Variants in SPATS2 observed in about 807,000 individuals in gnomAD.
The protein encoded by SPATS2 is spermatogenesis-associated serine-rich protein 2.
A neutral mutation model predicts 63.7 loss-of-function variants in SPATS2; 38 were observed. The ratio of observed to expected loss-of-function variants is 0.60; its 90% CI spans 0.46 to 0.78. SPATS2 has a LOEUF of 0.78. SPATS2 is among the 30% of genes least tolerant of loss of function. The pLI is 0.00. For missense variants in SPATS2, 588 were observed against 666.2 expected, an observed-to-expected ratio of 0.88 and a Z score of 1.29; for synonymous variants, 207 against 232.9, an observed-to-expected ratio of 0.89 and a Z score of 1.01.
intron 2 of SPATS2, among the ~76,000 whole-genome samples, chr12:49,430,505 A>G (rs777689607): frequency 2.6e-5 from 4 of 152,060 alleles, no homozygotes; most frequent in Non-Finnish European, 5.9e-5. Flanking sequence ...AAAACCCTTT[A>G]AAGATGAGAA....
Position 49,367,565 on chromosome 12 carries a change from G to A in SPATS2, c.-329G>A. 2.5e-6 allele frequency: 1 copy of A among 398,516 alleles called. No individual in the cohort carries two copies. Among genetic ancestry groups the A allele is most frequent in the Non-Finnish European group, 4.4e-6 (1 of 226,244 alleles). 24.7% of individuals were successfully genotyped at this position (398,516 alleles called of 1,614,324 possible). A position where few individuals can be genotyped will look rare whatever the true frequency, so the allele number is the denominator to read the frequency against. On this transcript the variant is annotated 5_prime_UTR_variant, in exon 1 of 14. Transcript: ENST00000552918. ...CGGAGCCCGGAGCTGGGGCGACGAG[G>A]CGATTGCGGGGGCCTGGGCTAGGTG...
intron 2 of SPATS2, among the ~76,000 whole-genome samples, chr12:49,435,638 CTTTTTTTT>C (rs34420984): frequency 1.0e-3 from 99 of 96,058 alleles, no homozygotes; most frequent in Middle Eastern, 6.0e-3. Flanking sequence ...TGAATGGTTT[CTTTTTTTT>C]TTTTTTTTTT....
At chr12:49,477,282 T>C (rs978309990) in intron 3 of SPATS2, among the ~76,000 whole-genome samples, 4 of 152,214 alleles carry the variant, frequency 2.6e-5, no homozygotes, top group African/African-American at 9.7e-5. Context: ...GAACTCATTC[T>C]AGAAGTTTGG....
intron 2 of SPATS2, among the ~76,000 whole-genome samples, chr12:49,390,859 T>G (rs767785300): frequency 6.6e-6 from 1 of 152,172 alleles, no homozygotes; most frequent in Admixed American, 6.5e-5. Flanking sequence ...AATAGACATT[T>G]TAGTAGGTTA....
intron 2 of SPATS2, among the ~76,000 whole-genome samples, chr12:49,436,247 A>G (rs1218326029): frequency 2.7e-5 from 4 of 146,114 alleles, no homozygotes; most frequent in Admixed American, 6.7e-5. Context: ...CACCTCCCGG[A>G]CGGGGCGGCT....
intron 2 of SPATS2, among the ~76,000 whole-genome samples, chr12:49,394,847 G>T (rs1012446161): frequency 6.6e-6 from 1 of 152,036 alleles, no homozygotes; most frequent in African/African-American, 2.4e-5. Context: ...CGAGGCAGGT[G>T]GATCACCTGA....
At chr12:49,426,013 AT>A (rs112297087) in intron 2 of SPATS2, among the ~76,000 whole-genome samples, 1 of 152,218 alleles carries the variant, frequency 6.6e-6, no homozygotes, top group African/African-American at 2.4e-5. Flanking sequence ...CAACAAATAG[AT>A]TAGACTCTTA....
chr12:49,513,051 C>A, intron 9 of SPATS2: 1 of 564,700 alleles, frequency 1.8e-6, no homozygotes, highest in Non-Finnish European at 2.7e-6. Flanking sequence ...GATTATCAAA[C>A]CTATGTTCTC....
In SPATS2 at chr12:49,389,464, A is replaced by C; in HGVS notation, c.-244+18174A>C. On this transcript the variant is annotated intron_variant, in intron 2 of 13. Coordinates refer to ENST00000552918, the MANE Select transcript of SPATS2 (RefSeq NM_023071.4). ...CGGTTGGTAGAGGCTTTGAGTCCTC[A>C]TCGCCACAGCTGACGGCTGCGAGGG... 4.1e-6 allele frequency: 3 copies of C among 722,950 alleles called. No individual in the cohort carries two copies. The South Asian group carries it at 4.9e-5, about 12-fold the overall frequency. The allele number at this position is 722,950 out of a possible 1,614,324, so 44.8% of individuals were successfully genotyped here.
At chr12:49,445,517 C>T (rs1374217485) in intron 2 of SPATS2, among the ~76,000 whole-genome samples, 1 of 150,996 alleles carries the variant, frequency 6.6e-6, no homozygotes, top group Non-Finnish European at 1.5e-5. Context: ...ATTTTCTTTT[C>T]TTTATCTTTT....
At chr12:49,485,383 A>G (rs1946273774) in intron 4 of SPATS2, among the ~76,000 whole-genome samples, 1 of 151,776 alleles carries the variant, frequency 6.6e-6, no homozygotes, top group South Asian at 2.1e-4. Context: ...TTTTTTCGAG[A>G]CAGAGTCTCA....
Position 49,519,101 on chromosome 12 carries a change from G to C in SPATS2, c.927G>C (p.Lys309Asn). The change falls in exon 11 of 14, where the codon AAG (lysine) becomes AAC (asparagine). Residue 309 changes from lysine (K) to asparagine (N), a missense_variant. Coordinates refer to ENST00000552918, the MANE Select transcript of SPATS2 (RefSeq NM_023071.4). ...AMEILLSRQKKAELLKKMTHV... is the reference protein window; with the variant it reads ...AMEILLSRQKNAELLKKMTHV... The stretch of plus-strand genomic sequence containing the variant: ...AAATTTTGCTCAGCCGACAAAAGAA[G>C]GCTGAACTTCTAAAGAAGATGACTC... The C allele has an allele frequency of 6.2e-7, 1 of 1,613,884 alleles. No individual in the cohort carries two copies. The highest frequency in any genetic ancestry group is 8.5e-7 in the Non-Finnish European group (1 of 1,179,920).
intron 4 of SPATS2, chr12:49,486,339 G>T: frequency 2.6e-6 from 1 of 383,508 alleles, no homozygotes; most frequent in Non-Finnish European, 5.2e-6. Context: ...CCGTGTAGCT[G>T]GGGATACAGG....
At chr12:49,378,678 C>G (rs960691581) in intron 2 of SPATS2, among the ~76,000 whole-genome samples, 1 of 152,044 alleles carries the variant, frequency 6.6e-6, no homozygotes, top group African/African-American at 2.4e-5. Context: ...TTACTGCAGC[C>G]TCGACCTGCT....
At chr12:49,522,714 T>C (rs748232578) in intron 11 of SPATS2, 37 bp from the exon 12 acceptor site, 47 of 1,531,288 alleles carry the variant, frequency 3.1e-5, no homozygotes, top group Non-Finnish European at 4.1e-5. Flanking sequence ...GGATGTTGTT[T>C]GTCTAACCTG....
At chr12:49,412,786 GATA>G (rs3036617) in intron 2 of SPATS2, among the ~76,000 whole-genome samples, 20 of 151,992 alleles carry the variant, frequency 1.3e-4, no homozygotes, top group South Asian at 4.2e-4. Flanking sequence ...TTTGAAGTTA[GATA>G]ATAATATTTA....
chr12:49,395,021 C>T (rs922038508), intron 2 of SPATS2, among the ~76,000 whole-genome samples: 7 of 151,552 alleles, frequency 4.6e-5, no homozygotes, highest in South Asian at 2.1e-4. Flanking sequence ...TGCAGTGAGC[C>T]GAGATCCCAC....
At chr12:49,440,546 G>C (rs1183185394) in intron 2 of SPATS2, among the ~76,000 whole-genome samples, 1 of 149,698 alleles carries the variant, frequency 6.7e-6, no homozygotes. Context: ...TTGGCTCACT[G>C]CAACTTCCAC....
chr12:49,503,019 C>G (rs1946590661), intron 9 of SPATS2, among the ~76,000 whole-genome samples: 2 of 152,328 alleles, frequency 1.3e-5, no homozygotes, highest in Middle Eastern at 3.4e-3. Context: ...GCCCTTTGCA[C>G]TGCATTCTTG....
Sources: allele counts gnomAD v4.1 joint callset (sites outside exome capture counted in the v4.1 genomes callset), GRCh38; gene constraint gnomAD v4.1.1; transcripts MANE v1.5; gene names NCBI Gene and HGNC (gene_info 2026-07-23, HGNC 2026-07-21).